Variants in GSE1 observed in about 807,000 individuals in gnomAD.
GSE1 encodes the protein genetic suppressor element 1.
GSE1 carries 32 observed loss-of-function variants against 112.6 expected under a neutral mutation model. The observed-to-expected ratio is 0.28, with a 90% CI of 0.21 to 0.38. The LOEUF is 0.38. Ranked by LOEUF, GSE1 falls within the 10% of genes least tolerant of loss-of-function variation. GSE1 has a pLI of 1.00. For synonymous variants in GSE1, 1,115 were observed against 735.6 expected, an observed-to-expected ratio of 1.52 and a Z score of -8.35; for missense variants, 2,348 against 1,699.2, an observed-to-expected ratio of 1.38 and a Z score of -6.71.
intron 1 of GSE1, among the ~76,000 whole-genome samples, chr16:85,335,059 C>A (rs879429836): frequency 3.3e-5 from 5 of 152,244 alleles, no homozygotes; most frequent in Non-Finnish European, 5.9e-5. Context: ...AGTCACCTGA[C>A]CCTTGTTTGA....
At chr16:85,609,916 C>T (rs185732367), upstream of GSE1, among the ~76,000 whole-genome samples, 5 of 152,178 alleles carry the variant, frequency 3.3e-5, no homozygotes, top group African/African-American at 1.2e-4. Flanking sequence ...CTTGGCCCCC[C>T]CAAAGTGCTG....
intron 1 of GSE1, among the ~76,000 whole-genome samples, chr16:85,572,284 A>AC (rs1472036110): frequency 7.1e-6 from 1 of 140,560 alleles, no homozygotes; most frequent in African/African-American, 2.7e-5. Flanking sequence ...CACACCACAT[A>AC]CCCCCACACA....
chr16:85,446,838 C>A (rs1567493992), intron 2 of GSE1, among the ~76,000 whole-genome samples: 1 of 152,116 alleles, frequency 6.6e-6, no homozygotes, highest in African/African-American at 2.4e-5. Flanking sequence ...TGGAGCTTCC[C>A]GAGGTTCCTC....
At chr16:85,545,348 G>T (rs560311481) in intron 2 of GSE1, among the ~76,000 whole-genome samples, 1 of 152,362 alleles carries the variant, frequency 6.6e-6, no homozygotes, top group East Asian at 1.9e-4. Context: ...TCCAGGGGCA[G>T]CCCCAAAATG....
At position 85,661,728 on chromosome 16, in the gene GSE1, C is replaced by G. The variant is rs777915342; in HGVS notation, c.2223C>G (p.Asp741Glu). ...QQRRRLVSKLDLEERRRREAQ... is the reference protein window; with the variant it reads ...QQRRRLVSKLELEERRRREAQ... Reference sequence around the variant, plus strand: ...GCCGGAGGCTGGTCAGCAAGCTGGACCTGGAGGAGCGCAGGCGGCGGGAGG... The same window carrying G: ...GCCGGAGGCTGGTCAGCAAGCTGGAGCTGGAGGAGCGCAGGCGGCGGGAGG... The change falls in exon 9 of 16, where the codon GAC (aspartate) becomes GAG (glutamate). Residue 741 changes from aspartate (D) to glutamate (E), a missense_variant. Physicochemically the swap from Asp to Glu is conservative, Grantham distance 45 (BLOSUM62 2). Transcript: ENST00000253458. The G allele has an allele frequency of 1.3e-6, 2 of 1,577,642 alleles. No individual in the cohort carries two copies. Among genetic ancestry groups the G allele is most frequent in the South Asian group, 1.1e-5 (1 of 87,392 alleles).
rs532295830 is a variant in GSE1 at position 85,672,895 on chromosome 16, A to C, written c.*356A>C. The stretch of plus-strand genomic sequence containing the variant: ...GCCCCCTGTGCATATGAGTGGATCA[A>C]ACCGGTTCTGTTCTTTCTTGTGTTG... On this transcript the variant is annotated 3_prime_UTR_variant, in exon 16 of 16. Coordinates refer to ENST00000253458, the MANE Select transcript of GSE1 (RefSeq NM_014615.5). 6.2e-6 allele frequency: 1 copy of C among 162,572 alleles called. No individual in the cohort carries two copies. The highest frequency in any genetic ancestry group is 1.7e-4 in the East Asian group (1 of 5,852). The allele number at this position is 162,572 out of a possible 1,614,324, so 10.1% of individuals were successfully genotyped here.
chr16:85,656,016 C>G, intron 6 of GSE1, 99 bp downstream of exon 6: 1 of 916,492 alleles, frequency 1.1e-6, no homozygotes, highest in South Asian at 1.6e-5. Context: ...ACTCCTTGGC[C>G]ATGCCTGTCC....
chr16:85,334,798 C>T (rs953300095), intron 1 of GSE1, among the ~76,000 whole-genome samples: 1 of 152,242 alleles, frequency 6.6e-6, no homozygotes, highest in Admixed American at 6.5e-5. Flanking sequence ...TGAGAAACTG[C>T]GGAGCCAGGA....
chr16:85,448,983 C>T (rs1567495530), intron 2 of GSE1, among the ~76,000 whole-genome samples: 1 of 152,212 alleles, frequency 6.6e-6, no homozygotes, highest in Non-Finnish European at 1.5e-5. Context: ...TCCACCCGCT[C>T]AGCCCTCACT....
chr16:85,239,292 C>A (rs994898091), intron 1 of GSE1, among the ~76,000 whole-genome samples: 10 of 152,188 alleles, frequency 6.6e-5, no homozygotes, highest in African/African-American at 2.2e-4. Flanking sequence ...GTGGCCAGAG[C>A]TGGGCATTTA....
upstream of GSE1, among the ~76,000 whole-genome samples, chr16:85,612,267 G>C (rs1598376702): frequency 6.6e-6 from 1 of 151,714 alleles, no homozygotes; most frequent in Non-Finnish European, 1.5e-5. Context: ...GGGGCGGGGT[G>C]GGCGGAGCCG....
intron 15 of GSE1, among the ~76,000 whole-genome samples, chr16:85,671,357 G>A (rs1275417439): frequency 2.0e-5 from 3 of 148,780 alleles, no homozygotes; most frequent in East Asian, 2.0e-4. Flanking sequence ...GGAGAATGGC[G>A]TGAACCCGGG....
In GSE1 at chr16:85,666,485, C is replaced by A. The variant is rs201503485; in HGVS notation, c.3130+138C>A. On this transcript the variant is annotated intron_variant, in intron 13 of 15. Transcript: ENST00000253458. ...TCCAATCACCAGAAGAAAATAATTT[C>A]GTTATTATGCCAAAACCATGTTTGT... 49 of 763,982 alleles carry A rather than the reference C, an allele frequency of 6.4e-5. No homozygotes were observed. The East Asian group carries it at 8.9e-4, about 14-fold the overall frequency. The allele number at this position is 763,982 out of a possible 1,614,324, so 47.3% of individuals were successfully genotyped here.
chr16:85,599,240 T>C (rs2047361758), intron 1 of GSE1, among the ~76,000 whole-genome samples: 1 of 152,180 alleles, frequency 6.6e-6, no homozygotes, highest in Non-Finnish European at 1.5e-5. Flanking sequence ...TCAGGTTCTT[T>C]TGGAGAGAGA....
At chr16:85,318,534 G>A (rs1172871130) in intron 1 of GSE1, among the ~76,000 whole-genome samples, 2 of 152,152 alleles carry the variant, frequency 1.3e-5, no homozygotes, top group African/African-American at 4.8e-5. Context: ...CAAAGTGCTG[G>A]GATTACAAGC....
chr16:85,502,275 C>T (rs781422384), intron 2 of GSE1, among the ~76,000 whole-genome samples: 5 of 152,174 alleles, frequency 3.3e-5, no homozygotes, highest in Non-Finnish European at 7.4e-5. Flanking sequence ...CAGTGGAGTT[C>T]GATCCTGGCA....
rs570143013 is a variant in GSE1 at position 85,458,979 on chromosome 16, G to C, written c.2464+101336G>C. Reference sequence around the variant, plus strand: ...CCCGCAGGTCTGGGTGGGGCAAGCAGTGCCCTCCCCACTCTCAGGAGTATT... The same window carrying C: ...CCCGCAGGTCTGGGTGGGGCAAGCACTGCCCTCCCCACTCTCAGGAGTATT... On this transcript the variant is annotated intron_variant, in intron 2 of 2. Transcript: ENST00000637419. 2.6e-5 allele frequency among the ~76,000 whole-genome samples: 4 copies of C among 152,308 alleles called. No individual in the cohort carries two copies. In the South Asian group the frequency reaches 6.2e-4, roughly 24 times the overall value.
intron 1 of GSE1, among the ~76,000 whole-genome samples, chr16:85,172,583 G>C (rs1023817039): frequency 4.6e-5 from 7 of 152,374 alleles, no homozygotes; most frequent in Admixed American, 6.5e-5. Flanking sequence ...AACTGCCCCC[G>C]GTGGGTCTGG....
chr16:85,314,371 C>T (rs952993915), intron 1 of GSE1, among the ~76,000 whole-genome samples: 4 of 152,120 alleles, frequency 2.6e-5, no homozygotes, highest in African/African-American at 7.2e-5. Context: ...TTGTGTCTCA[C>T]GGGTAGAGGT....
Sources: gnomAD v4.1 joint callset for allele counts (sites outside exome capture counted in the v4.1 genomes callset) on GRCh38, gnomAD v4.1.1 for gene constraint, MANE v1.5 for transcripts, NCBI Gene and HGNC (gene_info 2026-07-23, HGNC 2026-07-21) for gene names.